Variants in MIR2052HG observed in about 807,000 individuals in gnomAD.
MIR2052HG encodes MIR2052 host gene.
chr8:74,636,109 C>T (rs939407856), intron 2 of MIR2052HG, among the ~76,000 whole-genome samples: 1 of 152,118 alleles, frequency 6.6e-6, no homozygotes, highest in African/African-American at 2.4e-5. Context: ...AGGGGTGAGA[C>T]ACCATTTTAG....
chr8:74,649,989 G>A (rs945487565), intron 2 of MIR2052HG, among the ~76,000 whole-genome samples: 1 of 151,852 alleles, frequency 6.6e-6, no homozygotes, highest in South Asian at 2.1e-4. Flanking sequence ...GAAATTTTTA[G>A]TATGATTTAA....
At chr8:74,703,365 A>G (rs1195775911) in intron 3 of MIR2052HG, among the ~76,000 whole-genome samples, 1 of 152,056 alleles carries the variant, frequency 6.6e-6, no homozygotes, top group African/African-American at 2.4e-5. Context: ...ATCTTCCTCA[A>G]AGAAACCTAT....
rs550179304 is a variant in MIR2052HG at position 74,744,300 on chromosome 8, A to G, written n.372-8141A>G. Among the ~76,000 whole-genome samples, 33 of 138,098 alleles carry G rather than the reference A, an allele frequency of 2.4e-4. No homozygotes were observed. The East Asian group carries it at 0.011, about 46-fold the overall frequency. 90.6% of individuals were successfully genotyped at this position (138,098 alleles called of 152,430 possible). A position where few individuals can be genotyped will look rare whatever the true frequency, so the allele number is the denominator to read the frequency against. ...ACATTTATTTTTTCAATTTTTAGAG[A>G]TGGGGTCTCACTATTTTTATTTATT... On this transcript the variant is annotated intron_variant and non_coding_transcript_variant, in intron 4 of 6. Transcript: ENST00000523442.
chr8:74,603,699 A>C (rs879206976), intron 1 of MIR2052HG: 18 of 954,972 alleles, frequency 1.9e-5, no homozygotes, highest in South Asian at 5.1e-5. Context: ...GAGAGCTGGA[A>C]GGCTTGAGCT....
At chr8:74,655,217 C>A (rs556803130) in intron 2 of MIR2052HG, among the ~76,000 whole-genome samples, 81 of 152,094 alleles carry the variant, frequency 5.3e-4, no homozygotes, top group African/African-American at 1.9e-3. Context: ...CCTGATGATG[C>A]AATAGAAAAG....
intron 2 of MIR2052HG, among the ~76,000 whole-genome samples, chr8:74,655,664 T>C (rs1484160099): frequency 6.6e-6 from 1 of 152,080 alleles, no homozygotes; most frequent in Non-Finnish European, 1.5e-5. Context: ...GCTGCAGGGG[T>C]GGGGCCCTTA....
intron 1 of MIR2052HG, among the ~76,000 whole-genome samples, chr8:74,608,271 A>G (rs1314726572): frequency 6.6e-6 from 1 of 152,164 alleles, no homozygotes; most frequent in Non-Finnish European, 1.5e-5. Context: ...GTAAAAGGTT[A>G]TAATTGCATT....
chr8:74,609,424 A>C (rs1808159061), intron 1 of MIR2052HG, among the ~76,000 whole-genome samples: 1 of 151,894 alleles, frequency 6.6e-6, no homozygotes, highest in African/African-American at 2.4e-5. Flanking sequence ...TAAAAGAGAA[A>C]ATATTTTTCA....
chr8:74,750,434 CAT>C (rs1809933247), intron 4 of MIR2052HG, among the ~76,000 whole-genome samples: 1 of 152,120 alleles, frequency 6.6e-6, no homozygotes, highest in Admixed American at 6.6e-5. Flanking sequence ...ATTTTACAAT[CAT>C]AAACTAATCT....
intron 2 of MIR2052HG, among the ~76,000 whole-genome samples, chr8:74,674,052 G>T (rs901325902): frequency 6.6e-6 from 1 of 150,656 alleles, no homozygotes; most frequent in South Asian, 2.1e-4. Context: ...ATTAATATCA[G>T]TATAATATGT....
intron 2 of MIR2052HG, among the ~76,000 whole-genome samples, chr8:74,661,007 G>C (rs1254842016): frequency 6.6e-6 from 1 of 152,018 alleles, no homozygotes; most frequent in African/African-American, 2.4e-5. Flanking sequence ...TTCTGATGTA[G>C]GATTTAGACA....
chr8:74,632,200 C>G (rs1464685713), intron 2 of MIR2052HG, among the ~76,000 whole-genome samples: 4 of 152,132 alleles, frequency 2.6e-5, no homozygotes, highest in African/African-American at 9.7e-5. Flanking sequence ...TCCCCTTGAG[C>G]TGACTGTGGC....
intron 5 of MIR2052HG, chr8:74,757,305 T>G (rs1318201327): frequency 6.6e-6 from 1 of 152,242 alleles, no homozygotes; most frequent in Admixed American, 6.5e-5. Context: ...TTATGAGCTC[T>G]TGTACTGGCT....
intron 4 of MIR2052HG, among the ~76,000 whole-genome samples, chr8:74,718,770 A>C (rs1305262532): frequency 6.6e-6 from 1 of 152,170 alleles, no homozygotes; most frequent in Non-Finnish European, 1.5e-5. Flanking sequence ...TTGTATCCTT[A>C]CATGGTGGAA....
At chr8:74,749,407 A>C (rs563587520) in intron 4 of MIR2052HG, among the ~76,000 whole-genome samples, 2 of 152,302 alleles carry the variant, frequency 1.3e-5, no homozygotes, top group East Asian at 1.9e-4. Context: ...AGTTAAAAAA[A>C]AAAACAAAAC....
chr8:74,711,005 A>G (rs1343814810), intron 4 of MIR2052HG, among the ~76,000 whole-genome samples: 2 of 152,178 alleles, frequency 1.3e-5, no homozygotes, highest in Non-Finnish European at 2.9e-5. Context: ...CATGGACAAC[A>G]CTATGCCTTG....
chr8:74,713,138 TG>T (rs1809486747), intron 4 of MIR2052HG, among the ~76,000 whole-genome samples: 1 of 152,186 alleles, frequency 6.6e-6, no homozygotes, highest in Admixed American at 6.5e-5. Flanking sequence ...CTTTTTTATA[TG>T]GGAGGCACTG....
intron 1 of MIR2052HG, among the ~76,000 whole-genome samples, chr8:74,604,690 T>G (rs1808086207): frequency 7.0e-6 from 1 of 142,604 alleles, no homozygotes; most frequent in Non-Finnish European, 1.5e-5. Flanking sequence ...GTCTCCCAGA[T>G]TCAAGCGACT....
At chr8:74,676,011 A>G (rs1586910930) in intron 2 of MIR2052HG, among the ~76,000 whole-genome samples, 1 of 152,052 alleles carries the variant, frequency 6.6e-6, no homozygotes, top group African/African-American at 2.4e-5. Flanking sequence ...TCACCTGCAA[A>G]CACACTATTA....
Sources: gnomAD v4.1 joint callset for allele counts (sites outside exome capture counted in the v4.1 genomes callset) on GRCh38, gnomAD v4.1.1 for gene constraint, MANE v1.5 for transcripts, NCBI Gene and HGNC (gene_info 2026-07-23, HGNC 2026-07-21) for gene names.